Variants in PSD3 observed in about 807,000 individuals in gnomAD.
The protein encoded by PSD3 is PH and SEC7 domain-containing protein 3.
A neutral mutation model predicts 105.5 loss-of-function variants in PSD3; 49 were observed. The ratio of observed to expected loss-of-function variants is 0.46; its 90% CI spans 0.37 to 0.59. PSD3 has a LOEUF of 0.59. PSD3 is among the 20% of genes least tolerant of loss of function. The pLI, the probability that PSD3 is intolerant of heterozygous loss-of-function variation, is 0.00. For missense variants in PSD3, 1,561 were observed against 1,263.8 expected (o/e 1.24, Z -3.57); for synonymous variants, 557 against 457.8 (o/e 1.22, Z -2.77).
At chr8:18,681,446 CAAAAAAAAAAAA>C (rs528679351) in intron 9 of PSD3, among the ~76,000 whole-genome samples, 2 of 62,266 alleles carry the variant, frequency 3.2e-5, no homozygotes, top group Admixed American at 1.8e-4. Flanking sequence ...GTTTCTGTTT[CAAAAAAAAAAAA>C]AAAAAAAAAA....
intron 9 of PSD3, among the ~76,000 whole-genome samples, chr8:18,656,810 C>A (rs1808930768): frequency 6.6e-6 from 1 of 152,126 alleles, no homozygotes. Flanking sequence ...GCCTCAAACT[C>A]CAGGGCTCAA....
chr8:18,605,004 T>A (rs1326414367), intron 11 of PSD3, among the ~76,000 whole-genome samples: 1 of 152,180 alleles, frequency 6.6e-6, no homozygotes, highest in African/African-American at 2.4e-5. Context: ...TCATGGAGAA[T>A]TCCCTACTAG....
intron 9 of PSD3, among the ~76,000 whole-genome samples, chr8:18,723,317 G>C (rs1179396422): frequency 6.6e-6 from 1 of 152,180 alleles, no homozygotes; most frequent in Non-Finnish European, 1.5e-5. Flanking sequence ...GTAATACTTA[G>C]GAATGAGCTG....
chr8:18,931,849 G>A (rs1158765926), intron 2 of PSD3, among the ~76,000 whole-genome samples: 1 of 152,170 alleles, frequency 6.6e-6, no homozygotes, highest in Non-Finnish European at 1.5e-5. Context: ...AGGGAGTGGG[G>A]TGATGTGACT....
intron 1 of PSD3, among the ~76,000 whole-genome samples, chr8:18,965,453 C>T (rs775506824): frequency 1.3e-5 from 2 of 152,154 alleles, no homozygotes; most frequent in Non-Finnish European, 2.9e-5. Context: ...TCCCATTACC[C>T]CGTTCGGCGG....
chr8:18,548,768 G>C (rs1298515756), intron 15 of PSD3, among the ~76,000 whole-genome samples: 2 of 152,172 alleles, frequency 1.3e-5, no homozygotes, highest in African/African-American at 4.8e-5. Context: ...GGGGATGGGA[G>C]TGTGAGGTGC....
In PSD3 at chr8:18,945,817, A is replaced by C. The variant is rs529083619; in HGVS notation, c.22-9675T>G. ...ATGGTGAAACCCCATCTCTACAAAA[A>C]TACAAAAATTAGCCAGGTGCAGTGG... On this transcript the variant is annotated intron_variant, in intron 1 of 15. Coordinates refer to ENST00000327040, the MANE Select transcript of PSD3 (RefSeq NM_015310.4). 2.6e-5 allele frequency among the ~76,000 whole-genome samples: 4 copies of C among 151,878 alleles called. No homozygotes were observed. The East Asian group carries it at 7.8e-4, about 30-fold the overall frequency.
chr8:19,000,630 C>T (rs1826323776), intron 1 of PSD3: 1 of 151,852 alleles, frequency 6.6e-6, no homozygotes, highest in Admixed American at 6.6e-5. Context: ...GAAAGTCACA[C>T]ACCTGAAGCT....
At chr8:18,682,689 C>A (rs1352076149) in intron 9 of PSD3, among the ~76,000 whole-genome samples, 1 of 152,078 alleles carries the variant, frequency 6.6e-6, no homozygotes, top group Non-Finnish European at 1.5e-5. Flanking sequence ...TAAAGTCACA[C>A]TAAGGTATTT....
chr8:18,945,750 C>T (rs924377320), intron 1 of PSD3, among the ~76,000 whole-genome samples: 1 of 152,122 alleles, frequency 6.6e-6, no homozygotes, highest in African/African-American at 2.4e-5. Flanking sequence ...CCCAGGTGGG[C>T]GGATTACTTG....
At chr8:18,862,379 T>TA (rs1816518113) in intron 4 of PSD3, among the ~76,000 whole-genome samples, 2 of 140,750 alleles carry the variant, frequency 1.4e-5, no homozygotes, top group Admixed American at 1.4e-4. Flanking sequence ...TTTGTGGTTT[T>TA]TAAAAAAAAA....
chr8:18,679,870 A>G (rs1800283849), intron 9 of PSD3, among the ~76,000 whole-genome samples: 1 of 152,204 alleles, frequency 6.6e-6, no homozygotes, highest in African/African-American at 2.4e-5. Context: ...TAAACGGTTC[A>G]CTTGAATCAA....
At chr8:18,556,643 C>A (rs957869986) in intron 14 of PSD3, among the ~76,000 whole-genome samples, 2 of 152,148 alleles carry the variant, frequency 1.3e-5, no homozygotes, top group African/African-American at 4.8e-5. Context: ...TGGGACCAGG[C>A]CTTAAGAGAT....
At chr8:18,929,503 C>T (rs1821597807) in intron 2 of PSD3, among the ~76,000 whole-genome samples, 1 of 152,170 alleles carries the variant, frequency 6.6e-6, no homozygotes, top group South Asian at 2.1e-4. Context: ...GGCTTGCCTG[C>T]AGCAAGGCAG....
chr8:18,936,092 A>G lies in PSD3; in HGVS notation c.72T>C (p.Val24=). Reference sequence around the variant, plus strand: ...ATAAAAATTCATATTTGGCCTTGGCAACACTCTGGGAATGTGCAGATGCAT... The same window carrying G: ...ATAAAAATTCATATTTGGCCTTGGCGACACTCTGGGAATGTGCAGATGCAT... ...VNNASAHSQS[V]AKAKYEFLFG... Residue 24 remains valine (V), a synonymous_variant, in exon 2 of 16, where the codon GTT becomes GTC. Coordinates refer to ENST00000327040, the MANE Select transcript of PSD3 (RefSeq NM_015310.4). 6.2e-7 allele frequency: 1 copy of G among 1,613,536 alleles called. No homozygotes were observed. Among genetic ancestry groups the G allele is most frequent in the Non-Finnish European group, 8.5e-7 (1 of 1,179,882 alleles).
At chr8:18,878,353 C>G (rs1817871704) in intron 2 of PSD3, among the ~76,000 whole-genome samples, 1 of 152,116 alleles carries the variant, frequency 6.6e-6, no homozygotes, top group Admixed American at 6.5e-5. Flanking sequence ...ATTCTACATA[C>G]CAGATCATGT....
intron 9 of PSD3, among the ~76,000 whole-genome samples, chr8:18,705,455 T>C (rs986393569): frequency 4.2e-5 from 6 of 143,530 alleles, no homozygotes; most frequent in African/African-American, 1.6e-4. Context: ...GACTTGAGCT[T>C]GGGAGGCAGA....
rs922542929 is a variant in PSD3 at position 18,530,168 on chromosome 8, C to T, written c.*5575G>A. On this transcript the variant is annotated 3_prime_UTR_variant, in exon 16 of 16. Coordinates refer to ENST00000327040, the MANE Select transcript of PSD3 (RefSeq NM_015310.4). ...ACACTCAGTCACTGCTTTAAATATA[C>T]CAAACATGCTGGTTAATAAAATTTT... 6.6e-6 allele frequency: 1 copy of T among 152,572 alleles called. No individual in the cohort carries two copies. Among genetic ancestry groups the T allele is most frequent in the African/African-American group, 2.4e-5 (1 of 41,422 alleles). 9.5% of individuals were successfully genotyped at this position (152,572 alleles called of 1,614,324 possible). A position where few individuals can be genotyped will look rare whatever the true frequency, so the allele number is the denominator to read the frequency against.
chr8:18,665,454 A>G (rs961992386), intron 9 of PSD3, among the ~76,000 whole-genome samples: 39 of 152,362 alleles, frequency 2.6e-4, no homozygotes, highest in Non-Finnish European at 4.4e-4. Context: ...TAAAACATGA[A>G]CAGATGAGGA....
Sources: gnomAD v4.1 joint callset for allele counts (sites outside exome capture counted in the v4.1 genomes callset) on GRCh38, gnomAD v4.1.1 for gene constraint, MANE v1.5 for transcripts, NCBI Gene and HGNC (gene_info 2026-07-23, HGNC 2026-07-21) for gene names.